Variants in FAAH2 observed in about 807,000 individuals in gnomAD.
FAAH2 encodes fatty-acid amide hydrolase 2.
FAAH2 carries 60 observed loss-of-function variants against 36.9 expected under a neutral mutation model. That is an observed-to-expected ratio of 1.63 (90% CI 1.32 to 2.02). The LOEUF (loss-of-function observed/expected upper bound fraction) is 2.02, where lower values mean the gene tolerates loss of function less well. Ranked by LOEUF, FAAH2 falls within the 30% of genes most tolerant of loss-of-function variation. The pLI, the probability that FAAH2 is intolerant of heterozygous loss-of-function variation, is 0.00. For missense variants in FAAH2, 689 were observed against 397.5 expected, an observed-to-expected ratio of 1.73 and a Z score of -6.23; for synonymous variants, 214 against 143.8, an observed-to-expected ratio of 1.49 and a Z score of -3.49.
At chrX:57,395,244 C>T (rs1602521702) in intron 7 of FAAH2, 1 of 627,947 alleles carries the variant, frequency 1.6e-6, no homozygotes, top group Non-Finnish European at 2.7e-6. Flanking sequence ...CAGCCTTCAG[C>T]TTCACATTAT....
the FAAH2 span, among the ~76,000 whole-genome samples, chrX:57,167,104 A>G: frequency 7.2e-5 from 8 of 111,788 alleles, no homozygotes; most frequent in African/African-American, 9.8e-5. Context: ...TAATGTCTGG[A>G]AGTCACAGGG....
intron 7 of FAAH2, among the ~76,000 whole-genome samples, chrX:57,411,512 C>T (rs2055700262): frequency 9.0e-6 from 1 of 111,186 alleles, no homozygotes; most frequent in African/African-American, 3.3e-5. Context: ...TGGTGGAGTC[C>T]ATGTACTGGT....
chrX:57,385,113 C>G (rs188136876), intron 7 of FAAH2, among the ~76,000 whole-genome samples: 1 of 109,447 alleles, frequency 9.1e-6, no homozygotes, highest in Non-Finnish European at 1.9e-5. Flanking sequence ...GGGAACATCA[C>G]ACACCAGGGC....
the FAAH2 span, among the ~76,000 whole-genome samples, chrX:57,243,229 G>A: frequency 8.9e-5 from 10 of 112,324 alleles, no homozygotes. Context: ...GGGCATCTTT[G>A]AAAGAAACAC....
intron 1 of FAAH2, 102 bp from the exon 2 acceptor site, chrX:57,292,396 C>G: frequency 2.7e-6 from 2 of 728,503 alleles, no homozygotes; most frequent in Non-Finnish European, 4.1e-6. Flanking sequence ...CTGAAAGTGT[C>G]TCAAAAAATG....
chrX:57,459,972 G>A lies in FAAH2; in HGVS notation c.1423+11254G>A, dbSNP rs1041627743. The stretch of plus-strand genomic sequence containing the variant: ...TGATCACAAATCCTCTCCAGCAAGG[G>A]CACAAAAATGCATGCAGAATGAGTT... On this transcript the variant is annotated intron_variant, in intron 10 of 10. Coordinates refer to ENST00000374900, the MANE Select transcript of FAAH2 (RefSeq NM_174912.4). 2.7e-5 allele frequency among the ~76,000 whole-genome samples: 3 copies of A among 111,433 alleles called. No individual in the cohort carries two copies. In the South Asian group the frequency reaches 1.1e-3, roughly 43 times the overall value.
At chrX:57,155,813 A>G in the FAAH2 span, among the ~76,000 whole-genome samples, 1 of 111,947 alleles carries the variant, frequency 8.9e-6, no homozygotes, top group Non-Finnish European at 1.9e-5. Context: ...CAAGTCAGAC[A>G]TAGCTTCCCT....
At chrX:57,302,237 A>C (rs2052394357) in intron 2 of FAAH2, among the ~76,000 whole-genome samples, 1 of 112,005 alleles carries the variant, frequency 8.9e-6, no homozygotes, top group Non-Finnish European at 1.9e-5. Flanking sequence ...TAGTTATTTC[A>C]TGAACTTAGG....
At chrX:57,189,726 C>A in the FAAH2 span, among the ~76,000 whole-genome samples, 6 of 111,703 alleles carry the variant, frequency 5.4e-5, no homozygotes, top group African/African-American at 2.0e-4. Flanking sequence ...GGCTGCAGAA[C>A]AACAAAGATG....
the FAAH2 span, among the ~76,000 whole-genome samples, chrX:57,160,066 A>G: frequency 1.8e-5 from 2 of 111,909 alleles, no homozygotes; most frequent in African/African-American, 6.5e-5. Context: ...GAATTTTGTC[A>G]AAGGCCTTTT....
chrX:57,435,440 C>T (rs1407204583), intron 8 of FAAH2, among the ~76,000 whole-genome samples: 2 of 110,807 alleles, frequency 1.8e-5, no homozygotes, highest in African/African-American at 6.5e-5. Flanking sequence ...CTAAATGCTG[C>T]TTCCAAGAAA....
chrX:57,414,972 CA>C (rs941111929), intron 7 of FAAH2, among the ~76,000 whole-genome samples: 3 of 108,058 alleles, frequency 2.8e-5, no homozygotes, highest in Non-Finnish European at 5.7e-5. Context: ...TGTACGTGTC[CA>C]GGAATTTATC....
chrX:57,353,018 G>T (rs2054065279), intron 5 of FAAH2, among the ~76,000 whole-genome samples: 1 of 110,757 alleles, frequency 9.0e-6, no homozygotes, highest in South Asian at 3.7e-4. Flanking sequence ...TCATTAAAAT[G>T]ACCATATTAC....
chrX:57,465,254 T>C (rs894187888), intron 10 of FAAH2, among the ~76,000 whole-genome samples: 16 of 111,258 alleles, frequency 1.4e-4, no homozygotes, highest in African/African-American at 5.2e-4. Flanking sequence ...TCAGGGACCA[T>C]TGTGATACCC....
chrX:57,288,789 A>T (rs2051895721), intron 1 of FAAH2, among the ~76,000 whole-genome samples: 1 of 111,607 alleles, frequency 9.0e-6, no homozygotes, highest in Admixed American at 9.5e-5. Context: ...TGTCTGGCAT[A>T]CTAATCCTAT....
chrX:57,347,174 C>A (rs1312943772), intron 5 of FAAH2, among the ~76,000 whole-genome samples: 1 of 111,357 alleles, frequency 9.0e-6, no homozygotes, highest in East Asian at 2.8e-4. Context: ...GTTAATTATT[C>A]TCTCTCCTCT....
the FAAH2 span, among the ~76,000 whole-genome samples, chrX:57,164,248 A>G: frequency 1.2e-4 from 13 of 112,284 alleles, no homozygotes; most frequent in Admixed American, 4.7e-4. Flanking sequence ...GTATGAGGAG[A>G]TAAACTTTGT....
intron 7 of FAAH2, chrX:57,393,562 C>T: frequency 9.5e-6 from 9 of 942,467 alleles, no homozygotes; most frequent in South Asian, 2.0e-5. Context: ...CTGGAGTGCC[C>T]TCCAATCTCT....
At chrX:57,320,232 A>C (rs1228148035) in intron 3 of FAAH2, among the ~76,000 whole-genome samples, 1 of 112,159 alleles carries the variant, frequency 8.9e-6, no homozygotes, top group Non-Finnish European at 1.9e-5. Context: ...GTGAACAGGC[A>C]ACCTATAGAA....
Sources: allele counts gnomAD v4.1 joint callset (sites outside exome capture counted in the v4.1 genomes callset), GRCh38; gene constraint gnomAD v4.1.1; transcripts MANE v1.5; gene names NCBI Gene and HGNC (gene_info 2026-07-23, HGNC 2026-07-21).